BLTP3B: variants seen among roughly 807,000 people sequenced by gnomAD.
The protein encoded by BLTP3B is UHRF1 (ICBP90) binding protein 1-like.
the BLTP3B span, among the ~76,000 whole-genome samples, chr12:100,046,860 G>C: frequency 6.6e-6 from 1 of 152,170 alleles, no homozygotes; most frequent in Non-Finnish European, 1.5e-5. Context: ...GACGTGCAAA[G>C]TGCAGAGAAG....
chr12:100,068,472 T>C, the BLTP3B span, among the ~76,000 whole-genome samples: 1 of 152,182 alleles, frequency 6.6e-6, no homozygotes, highest in African/African-American at 2.4e-5. Context: ...TAAAGGGGAA[T>C]GTAATAAAAG....
At chr12:100,048,765 A>AGAGT in the BLTP3B span, among the ~76,000 whole-genome samples, 2 of 121,744 alleles carry the variant, frequency 1.6e-5, no homozygotes, top group Non-Finnish European at 3.3e-5. Flanking sequence ...AGAGAGAGTG[A>AGAGT]GAGTGAGTGT....
chr12:100,124,936 T>TA, the BLTP3B span, among the ~76,000 whole-genome samples: 17 of 56,530 alleles, frequency 3.0e-4, no homozygotes, highest in South Asian at 7.1e-4. Context: ...AAAAAAAATT[T>TA]TATATATATA....
At chr12:100,135,099 T>C in the BLTP3B span, among the ~76,000 whole-genome samples, 2 of 152,182 alleles carry the variant, frequency 1.3e-5, no homozygotes, top group South Asian at 2.1e-4. Flanking sequence ...CCACATGATC[T>C]GGCCCTTGTT....
chr12:100,046,703 T>C, the BLTP3B span, among the ~76,000 whole-genome samples: 1 of 152,048 alleles, frequency 6.6e-6, no homozygotes, highest in African/African-American at 2.4e-5. Context: ...TGGGTACATG[T>C]ACCCTAGAAC....
chr12:100,068,471 A>G, the BLTP3B span, among the ~76,000 whole-genome samples: 1 of 152,244 alleles, frequency 6.6e-6, no homozygotes, highest in Non-Finnish European at 1.5e-5. Flanking sequence ...CTAAAGGGGA[A>G]TGTAATAAAA....
chr12:100,099,753 A>G, the BLTP3B span, among the ~76,000 whole-genome samples: 1 of 149,436 alleles, frequency 6.7e-6, no homozygotes, highest in South Asian at 2.1e-4. Context: ...TCTCAAAATT[A>G]ATTAACTAAT....
At chr12:100,051,100 A>G in the BLTP3B span, 61 of 1,613,718 alleles carry the variant, frequency 3.8e-5, no homozygotes, top group Non-Finnish European at 4.3e-5. Flanking sequence ...GATTTTCCTG[A>G]GCACCCTCTG....
the BLTP3B span, among the ~76,000 whole-genome samples, chr12:100,084,839 A>C: frequency 6.6e-6 from 1 of 152,208 alleles, no homozygotes; most frequent in Admixed American, 6.5e-5. Flanking sequence ...ACAGAGGGAA[A>C]GAATGTCAAA....
chr12:100,134,616 C>CAAA, the BLTP3B span, among the ~76,000 whole-genome samples: 1 of 139,238 alleles, frequency 7.2e-6, no homozygotes. Flanking sequence ...GACTCTGTCT[C>CAAA]AAAAAAAAAA....
chr12:100,039,936 C>T, the BLTP3B span: 1 of 586,632 alleles, frequency 1.7e-6, no homozygotes, highest in Non-Finnish European at 2.5e-6. Context: ...ACCAGTAAAA[C>T]CAAAAGCTTA....
the BLTP3B span, among the ~76,000 whole-genome samples, chr12:100,101,491 G>A: frequency 6.6e-6 from 1 of 152,174 alleles, no homozygotes; most frequent in East Asian, 1.9e-4. Flanking sequence ...TACGCAATAT[G>A]AGGAGGCATT....
At chr12:100,107,911 T>C in the BLTP3B span, among the ~76,000 whole-genome samples, 2 of 151,932 alleles carry the variant, frequency 1.3e-5, no homozygotes, top group African/African-American at 4.8e-5. Flanking sequence ...TATTTTTTTA[T>C]TTTTATTTTT....
chr12:100,058,194 T>A, the BLTP3B span: 14 of 1,613,182 alleles, frequency 8.7e-6, no homozygotes, highest in Non-Finnish European at 6.8e-6. Flanking sequence ...AAGTATGTTT[T>A]GATTACCATC....
chr12:100,051,438 AT>A, the BLTP3B span: 47 of 402,608 alleles, frequency 1.2e-4, no homozygotes, highest in South Asian at 9.7e-4. Context: ...GTAAAAGACA[AT>A]TTTTTTTAAA....
chr12:100,142,298 C>A, the BLTP3B span, among the ~76,000 whole-genome samples: 1 of 152,204 alleles, frequency 6.6e-6, no homozygotes, highest in African/African-American at 2.4e-5. Flanking sequence ...CGAGCCGGGA[C>A]GCCCCCAGAC....
the BLTP3B span, among the ~76,000 whole-genome samples, chr12:100,042,306 A>T: frequency 6.6e-6 from 1 of 152,020 alleles, no homozygotes; most frequent in Admixed American, 6.6e-5. Context: ...ATTGCAAGGG[A>T]CCCAAAAGAG....
chr12:100,128,514 G>T, the BLTP3B span: 1 of 1,070,828 alleles, frequency 9.3e-7, no homozygotes, highest in South Asian at 2.1e-5. Context: ...CTTTATGCAG[G>T]GCATATTAAG....
At chr12:100,067,878 T>A in the BLTP3B span, among the ~76,000 whole-genome samples, 3 of 152,162 alleles carry the variant, frequency 2.0e-5, no homozygotes, top group Admixed American at 2.0e-4. Context: ...CACATCCCAA[T>A]GCTCATTGAT....
Sources: gnomAD v4.1 joint callset for allele counts (sites outside exome capture counted in the v4.1 genomes callset) on GRCh38, gnomAD v4.1.1 for gene constraint, MANE v1.5 for transcripts, NCBI Gene and HGNC (gene_info 2026-07-23, HGNC 2026-07-21) for gene names.